Variants in ZNF618 observed in about 807,000 individuals in gnomAD.
ZNF618 encodes zinc finger protein 618.
A neutral mutation model predicts 103.0 loss-of-function variants in ZNF618; 34 were observed. That is an observed-to-expected ratio of 0.33 (90% CI 0.25 to 0.44). The LOEUF (loss-of-function observed/expected upper bound fraction) is 0.44, where lower values mean the gene tolerates loss of function less well. Among genes scored for constraint, ZNF618 ranks in the 20% least tolerant of loss-of-function variants. ZNF618 has a pLI of 1.00. For missense variants in ZNF618, 1,059 were observed against 1,295.4 expected (o/e 0.82, Z 2.80); for synonymous variants, 551 against 542.2 (o/e 1.02, Z -0.23).
At chr9:113,918,940 G>A (rs1463803861) in intron 1 of ZNF618, among the ~76,000 whole-genome samples, 1 of 152,166 alleles carries the variant, frequency 6.6e-6, no homozygotes, top group African/African-American at 2.4e-5. Flanking sequence ...ATGAACGAAT[G>A]AAAACTGGAA....
At chr9:113,987,315 C>T (rs1167483674) in intron 2 of ZNF618, among the ~76,000 whole-genome samples, 1 of 152,154 alleles carries the variant, frequency 6.6e-6, no homozygotes, top group Non-Finnish European at 1.5e-5. Context: ...GGCCTGTCCC[C>T]AATTTTATGT....
intron 1 of ZNF618, among the ~76,000 whole-genome samples, chr9:113,902,815 G>A (rs1287683398): frequency 6.6e-6 from 1 of 152,112 alleles, no homozygotes; most frequent in East Asian, 1.9e-4. Context: ...TAGTTTTCTG[G>A]CTATTATAAC....
intron 2 of ZNF618, among the ~76,000 whole-genome samples, chr9:113,983,682 G>C (rs1444545248): frequency 6.6e-6 from 1 of 152,210 alleles, no homozygotes; most frequent in East Asian, 1.9e-4. Context: ...CTGACTCTCA[G>C]CTCCAGGTGT....
rs1456361616 is a variant in ZNF618 at position 114,028,792 on chromosome 9, C to A, written c.904C>A (p.Pro302Thr). 1.9e-6 allele frequency: 3 copies of A among 1,550,584 alleles called. No homozygotes were observed. Residue 302 changes from proline to threonine, a missense_variant, in exon 11 of 15, where the codon CCA becomes ACA. Pro to Thr is a conservative substitution (Grantham distance 38). Coordinates refer to ENST00000374126, the MANE Select transcript of ZNF618 (RefSeq NM_001318042.2). ...AGACACGGGCTCTGAGTGTTCACAT[C>A]CAGAGGTCTCCCCATCTCCACGCTT... ...DPDTGSECSH[P>T]EVSPSPRFVA...
intron 2 of ZNF618, among the ~76,000 whole-genome samples, chr9:113,974,754 G>A (rs1564242291): frequency 1.3e-5 from 2 of 152,038 alleles, no homozygotes; most frequent in Non-Finnish European, 1.5e-5. Flanking sequence ...CCCCCTGCCT[G>A]GTCTGTCAGG....
intron 1 of ZNF618, among the ~76,000 whole-genome samples, chr9:113,947,254 G>A (rs1021733294): frequency 6.6e-5 from 10 of 152,168 alleles, no homozygotes; most frequent in Non-Finnish European, 1.2e-4. Context: ...AGCTGGATTT[G>A]AACCTGGGCT....
intron 13 of ZNF618, among the ~76,000 whole-genome samples, chr9:114,042,882 T>G (rs1363452738): frequency 6.6e-6 from 1 of 152,218 alleles, no homozygotes; most frequent in Non-Finnish European, 1.5e-5. Context: ...CATGCCCCTT[T>G]GCAGTCATTC....
chr9:113,880,605 C>T (rs1399504687), intron 1 of ZNF618, among the ~76,000 whole-genome samples: 1 of 152,156 alleles, frequency 6.6e-6, no homozygotes, highest in East Asian at 1.9e-4. Flanking sequence ...AATCATGGGC[C>T]ATTAGTGGCC....
Position 113,876,332 on chromosome 9 carries a change from G to A in ZNF618, c.-49G>A. ...GCATTGTGCGCGCACCAGCAGCCCG[G>A]CCCGGGAGGAGCAGGACGCGCCGGG... On this transcript the variant is annotated 5_prime_UTR_variant, in exon 1 of 15. Coordinates refer to ENST00000374126, the MANE Select transcript of ZNF618 (RefSeq NM_001318042.2). 1 of 1,156,074 alleles carries A rather than the reference G, an allele frequency of 8.6e-7. No homozygotes were observed. The highest frequency in any genetic ancestry group is 1.1e-6 in the Non-Finnish European group (1 of 944,666). 71.6% of individuals were successfully genotyped at this position (1,156,074 alleles called of 1,614,324 possible). A position where few individuals can be genotyped will look rare whatever the true frequency, so the allele number is the denominator to read the frequency against.
intron 9 of ZNF618, among the ~76,000 whole-genome samples, chr9:114,016,368 G>C (rs1427657543): frequency 6.6e-6 from 1 of 152,108 alleles, no homozygotes; most frequent in Admixed American, 6.5e-5. Context: ...ACCGGGTCTG[G>C]GGTGGAGCGA....
At position 114,049,311 on chromosome 9, in the gene ZNF618, A is replaced by G. The variant is rs1456232055; in HGVS notation, c.2009A>G (p.Asp670Gly). Residue 670 changes from aspartate (D) to glycine (G), a missense_variant, in exon 15 of 15, where the codon GAC becomes GGC. Asp to Gly is a moderately conservative substitution (Grantham distance 94). This residue lies in a region of ZNF618 where 272 missense variants were observed against 380.1 expected (regional missense o/e 0.72). Transcript: ENST00000374126. ...EVIELLNVCE[D>G]LAGSTGLAKE... ...ATCGAGCTGCTCAACGTGTGCGAGG[A>G]CCTGGCGGGCTCCACGGGCCTGGCC... 6.2e-7 allele frequency: 1 copy of G among 1,611,650 alleles called. No homozygotes were observed. Among genetic ancestry groups the G allele is most frequent in the African/African-American group, 1.3e-5 (1 of 74,870 alleles).
In ZNF618 at chr9:114,050,459, CACA is replaced by C; in HGVS notation, c.*293_*295del. 1 of 308,296 alleles carries C rather than the reference CACA, an allele frequency of 3.2e-6. No individual in the cohort carries two copies. 19.1% of individuals were successfully genotyped at this position (308,296 alleles called of 1,614,324 possible). On this transcript the variant is annotated 3_prime_UTR_variant, in exon 15 of 15. Transcript: ENST00000374126. ...GCACACACGCACACACACACACACACACACACACACACACACGACCCTGGTGCG... is the reference window on the plus strand; with the variant it reads ...GCACACACGCACACACACACACACACCACACACACACACGACCCTGGTGCG...
chr9:113,888,282 C>G (rs116137706), intron 1 of ZNF618, among the ~76,000 whole-genome samples: 113 of 152,310 alleles, frequency 7.4e-4, no homozygotes, highest in African/African-American at 2.6e-3. Flanking sequence ...ACCCATTTGT[C>G]TGTGGTGGAT....
intron 1 of ZNF618, among the ~76,000 whole-genome samples, chr9:113,949,847 G>T (rs1322627298): frequency 6.6e-6 from 1 of 152,198 alleles, no homozygotes; most frequent in African/African-American, 2.4e-5. Context: ...AATTTCCAGC[G>T]AAGTCGCGCC....
intron 1 of ZNF618, among the ~76,000 whole-genome samples, chr9:113,907,716 C>T (rs1831114224): frequency 6.6e-6 from 1 of 152,204 alleles, no homozygotes. Flanking sequence ...CTGGGAGGTA[C>T]AGTTGAATGT....
intron 1 of ZNF618, among the ~76,000 whole-genome samples, chr9:113,962,895 C>T (rs962427036): frequency 6.6e-6 from 1 of 152,196 alleles, no homozygotes; most frequent in Non-Finnish European, 1.5e-5. Context: ...GCGTCTCCCC[C>T]CACTTGAATG....
Position 114,017,463 on chromosome 9 carries a change from T to A in ZNF618, c.844+679T>A, listed in dbSNP as rs1420953568. On this transcript the variant is annotated intron_variant, in intron 10 of 14. Coordinates refer to ENST00000374126, the MANE Select transcript of ZNF618 (RefSeq NM_001318042.2). ...GTGCCCGTGAGCCTACCTTACTGATTTCCCAGCTCCTTTTCTGGATATTTG... is the reference window on the plus strand; with the variant it reads ...GTGCCCGTGAGCCTACCTTACTGATATCCCAGCTCCTTTTCTGGATATTTG... 2.6e-5 allele frequency among the ~76,000 whole-genome samples: 4 copies of A among 152,128 alleles called. No homozygotes were observed. The East Asian group carries it at 5.8e-4, about 22-fold the overall frequency.
At chr9:113,980,611 G>C (rs1408114) in intron 2 of ZNF618, among the ~76,000 whole-genome samples, 4 of 151,980 alleles carry the variant, frequency 2.6e-5, no homozygotes, top group Admixed American at 1.3e-4. Flanking sequence ...CCATGAGATC[G>C]CTTAGGAAAT....
intron 1 of ZNF618, among the ~76,000 whole-genome samples, chr9:113,915,744 G>C (rs1207634746): frequency 6.6e-6 from 1 of 152,056 alleles, no homozygotes; most frequent in Non-Finnish European, 1.5e-5. Flanking sequence ...GAGGGATAGA[G>C]AGAGGTAGAT....
Sources: gnomAD v4.1 joint callset for allele counts (sites outside exome capture counted in the v4.1 genomes callset) on GRCh38, gnomAD v4.1.1 for gene constraint, gnomAD v4.1.1 regional missense constraint, MANE v1.5 for transcripts, NCBI Gene and HGNC (gene_info 2026-07-23, HGNC 2026-07-21) for gene names.